Variants in ADAMTSL1 observed in about 807,000 individuals in gnomAD.
The protein encoded by ADAMTSL1 is ADAMTS-like protein 1.
A neutral mutation model predicts 201.8 loss-of-function variants in ADAMTSL1; 126 were observed. The observed-to-expected ratio is 0.62, with a 90% confidence interval of 0.54 to 0.72. The LOEUF is 0.72. Among genes scored for constraint, ADAMTSL1 ranks in the 30% least tolerant of loss-of-function variants. The pLI, the probability that ADAMTSL1 is intolerant of heterozygous loss-of-function variation, is 0.00. For synonymous variants in ADAMTSL1, 1,121 were observed against 903.4 expected, an observed-to-expected ratio of 1.24 and a Z score of -4.32; for missense variants, 2,679 against 2,277.8, an observed-to-expected ratio of 1.18 and a Z score of -3.59.
chr9:18,494,281 A>G (rs978706862), intron 1 of ADAMTSL1, among the ~76,000 whole-genome samples: 1 of 151,592 alleles, frequency 6.6e-6, no homozygotes, highest in Non-Finnish European at 1.5e-5. Context: ...GCTTGAACCC[A>G]GAAGGTGGAG....
chr9:18,136,730 T>C, intron 1 of ADAMTSL1, among the ~76,000 whole-genome samples: 1 of 151,954 alleles, frequency 6.6e-6, no homozygotes, highest in Non-Finnish European at 1.5e-5. Context: ...AATAGACAGA[T>C]ATTTGGGCAG....
intron 1 of ADAMTSL1, among the ~76,000 whole-genome samples, chr9:17,965,370 T>C (rs1370526697): frequency 6.6e-6 from 1 of 152,158 alleles, no homozygotes; most frequent in African/African-American, 2.4e-5. Context: ...TTACATTAAA[T>C]ACTGATGAAT....
Position 18,894,345 on chromosome 9 carries a change from C to CTTTTTTTTTTT in ADAMTSL1, c.4851+1755_4851+1765dup, listed in dbSNP as rs56112949. On this transcript the variant is annotated intron_variant, in intron 26 of 28. Transcript: ENST00000380548. ...CCTGGGTGACAGAGCAAAACCTTGT[C>CTTTTTTTTTTT]TTTTTTTTTTTTTTTTGAAAAAGGT... Among the ~76,000 whole-genome samples the CTTTTTTTTTTT allele has an allele frequency of 1.5e-4, 18 of 124,006 alleles. 7 individuals carry two copies. Among genetic ancestry groups the CTTTTTTTTTTT allele is most frequent in the Admixed American group, 2.5e-4 (3 of 11,926 alleles). 81.4% of individuals were successfully genotyped at this position (124,006 alleles called of 152,430 possible).
chr9:18,559,471 A>C (rs1821331613), intron 3 of ADAMTSL1, among the ~76,000 whole-genome samples: 1 of 151,928 alleles, frequency 6.6e-6, no homozygotes. Context: ...TTTTGCTTAG[A>C]ATTTTCTTGG....
chr9:18,298,960 C>T (rs1209715084), intron 2 of ADAMTSL1, among the ~76,000 whole-genome samples: 4 of 149,834 alleles, frequency 2.7e-5, no homozygotes, highest in African/African-American at 9.8e-5. Context: ...TGCAGTGAGC[C>T]GAGATGGCGC....
chr9:18,244,730 G>T (rs1831192642), intron 2 of ADAMTSL1, among the ~76,000 whole-genome samples: 1 of 152,008 alleles, frequency 6.6e-6, no homozygotes, highest in South Asian at 2.1e-4. Flanking sequence ...TGTCAAATAG[G>T]ATGCTGTGCA....
chr9:18,026,409 CT>C (rs1445984222), intron 1 of ADAMTSL1, among the ~76,000 whole-genome samples: 6 of 151,890 alleles, frequency 4.0e-5, no homozygotes, highest in Non-Finnish European at 7.4e-5. Flanking sequence ...TAGGGTTTTA[CT>C]TGTTGAAGGA....
intron 5 of ADAMTSL1, among the ~76,000 whole-genome samples, chr9:18,634,699 G>T (rs535086697): frequency 3.2e-4 from 49 of 151,254 alleles, no homozygotes; most frequent in African/African-American, 1.2e-3. Flanking sequence ...TTAGTCAGGC[G>T]TGATGGTGGG....
At chr9:18,169,478 G>A (rs1033630618) in intron 2 of ADAMTSL1, among the ~76,000 whole-genome samples, 1 of 152,014 alleles carries the variant, frequency 6.6e-6, no homozygotes, top group Non-Finnish European at 1.5e-5. Context: ...GTGTTCCATT[G>A]ATCTATATCT....
intron 2 of ADAMTSL1, among the ~76,000 whole-genome samples, chr9:18,437,491 A>G (rs1010074667): frequency 4.6e-5 from 7 of 152,066 alleles, no homozygotes; most frequent in African/African-American, 7.2e-5. Context: ...TCTCACTGCT[A>G]CAGGGCCAAG....
intron 2 of ADAMTSL1, among the ~76,000 whole-genome samples, chr9:18,385,494 A>G (rs981235576): frequency 6.6e-6 from 1 of 152,220 alleles, no homozygotes; most frequent in Non-Finnish European, 1.5e-5. Flanking sequence ...TACGTTAGTC[A>G]TAAAGAATTT....
At chr9:18,027,499 T>C (rs1820754545) in intron 1 of ADAMTSL1, among the ~76,000 whole-genome samples, 1 of 151,964 alleles carries the variant, frequency 6.6e-6, no homozygotes, top group Non-Finnish European at 1.5e-5. Context: ...TCAAGTTGTT[T>C]AGTTTCCGTG....
chr9:18,544,829 T>C (rs930004783), intron 3 of ADAMTSL1, among the ~76,000 whole-genome samples: 3 of 152,226 alleles, frequency 2.0e-5, no homozygotes, highest in Non-Finnish European at 4.4e-5. Flanking sequence ...ACTCCTATTA[T>C]TAATGACAGA....
intron 2 of ADAMTSL1, among the ~76,000 whole-genome samples, chr9:18,370,450 G>A (rs1370269940): frequency 1.3e-5 from 2 of 151,920 alleles, no homozygotes; most frequent in South Asian, 2.1e-4. Context: ...TACCCCCCCC[G>A]AATCCATAAT....
chr9:18,298,888 G>C (rs935551280), intron 2 of ADAMTSL1, among the ~76,000 whole-genome samples: 8 of 152,042 alleles, frequency 5.3e-5, no homozygotes, highest in African/African-American at 1.9e-4. Context: ...GCGGGCGCCT[G>C]TAGTCCCAGC....
intron 23 of ADAMTSL1, among the ~76,000 whole-genome samples, chr9:18,842,933 C>T (rs977942123): frequency 1.4e-4 from 22 of 152,064 alleles, no homozygotes; most frequent in South Asian, 2.1e-4. Context: ...CATGTCTCTG[C>T]GCGTGAGATG....
chr9:18,501,047 T>C (rs1268971823), intron 1 of ADAMTSL1, among the ~76,000 whole-genome samples: 1 of 152,212 alleles, frequency 6.6e-6, no homozygotes, highest in Non-Finnish European at 1.5e-5. Flanking sequence ...CTGGCCTGTA[T>C]AGAAGAGCTT....
At chr9:17,924,356 G>C (rs1826433777) in intron 1 of ADAMTSL1, among the ~76,000 whole-genome samples, 1 of 152,120 alleles carries the variant, frequency 6.6e-6, no homozygotes. Flanking sequence ...AGTCTTGGGA[G>C]AGTGTATGTG....
At chr9:18,851,013 C>T (rs1282467146) in intron 23 of ADAMTSL1, among the ~76,000 whole-genome samples, 1 of 152,176 alleles carries the variant, frequency 6.6e-6, no homozygotes, top group Non-Finnish European at 1.5e-5. Context: ...TTTACCTGTT[C>T]TCTTCCTTGT....
Sources: gnomAD v4.1 joint callset for allele counts (sites outside exome capture counted in the v4.1 genomes callset) on GRCh38, gnomAD v4.1.1 for gene constraint, MANE v1.5 for transcripts, NCBI Gene and HGNC (gene_info 2026-07-23, HGNC 2026-07-21) for gene names.